The following SLC7A7 variants were observed in gnomAD, a reference collection of about 807,000 sequenced individuals.
SLC7A7 encodes the protein Y+L amino acid transporter 1.
In SLC7A7, 39 loss-of-function variants were observed where a neutral mutation model predicts 47.9. The ratio of observed to expected loss-of-function variants is 0.81; its 90% confidence interval spans 0.63 to 1.06. The LOEUF is 1.06. Ranked by LOEUF, SLC7A7 falls within the 50% of genes least tolerant of loss-of-function variation. The pLI is 0.00. For synonymous variants in SLC7A7, 234 were observed against 242.8 expected (o/e 0.96, Z 0.34); for missense variants, 588 against 632.0 (o/e 0.93, Z 0.75).
chr14:22,813,178 A>T lies in SLC7A7; in HGVS notation c.221T>A (p.Val74Asp). 1.2e-6 allele frequency: 2 copies of T among 1,614,196 alleles called. No homozygotes were observed. The highest frequency in any genetic ancestry group is 8.5e-7 in the Non-Finnish European group (1 of 1,180,024). Residue 74 changes from valine (V) to aspartate (D), a missense_variant, in exon 2 of 10, where the codon GTC (valine) becomes GAC (aspartate). By Grantham distance (152) the Val-to-Asp change is radical. Coordinates refer to ENST00000674313, the MANE Select transcript of SLC7A7 (RefSeq NM_003982.4). ...GAAGAGGCCCCCGACAGCCCAGATG[A>T]CCAGAGAGAGACCAAAGGAGGCACT... ...IYSASFGLSLVIWAVGGLFSV... is the reference protein window; with the variant it reads ...IYSASFGLSLDIWAVGGLFSV...
intron 2 of SLC7A7, among the ~76,000 whole-genome samples, chr14:22,782,989 A>G (rs2038747504): frequency 6.6e-6 from 1 of 150,432 alleles, no homozygotes; most frequent in Non-Finnish European, 1.5e-5. Context: ...CCTGGAGTGC[A>G]GTGGTGCGAT....
chr14:22,786,958 T>C (rs1227175569), intron 2 of SLC7A7, among the ~76,000 whole-genome samples: 2 of 152,066 alleles, frequency 1.3e-5, no homozygotes, highest in East Asian at 1.9e-4. Flanking sequence ...AGTGATTTTT[T>C]CCCCCCAGAT....
In SLC7A7 at chr14:22,794,789, T is replaced by A. The variant is rs537046690; in HGVS notation, c.500-14738A>T. On this transcript the variant is annotated intron_variant, in intron 2 of 9. Transcript: ENST00000674313. The stretch of plus-strand genomic sequence containing the variant: ...AGCATCACTTGACGAGCTTTAACAG[T>A]CCAGTGCTCAGGCCCCACCCAGACC... Among the ~76,000 whole-genome samples, 7 of 152,178 alleles carry A rather than the reference T, an allele frequency of 4.6e-5. No individual in the cohort carries two copies. The South Asian group carries it at 6.2e-4, about 14-fold the overall frequency.
At chr14:22,814,171 C>G (rs928540518) in intron 1 of SLC7A7, among the ~76,000 whole-genome samples, 3 of 151,912 alleles carry the variant, frequency 2.0e-5, no homozygotes, top group Admixed American at 6.6e-5. Context: ...TTGCTGCCCA[C>G]CCGACTCACC....
rs777555880 is a variant in SLC7A7, at chr14:22,776,232, T to C, written c.857A>G (p.Asp286Gly). The C allele has an allele frequency of 1.1e-5, 18 of 1,614,104 alleles. No homozygotes were observed. The highest frequency in any genetic ancestry group is 1.4e-5 in the Non-Finnish European group (17 of 1,180,050). The change falls in exon 5 of 10, where the codon GAC becomes GGC. Residue 286 changes from aspartate to glycine, a missense_variant. Coordinates refer to ENST00000674313, the MANE Select transcript of SLC7A7 (RefSeq NM_003982.4). ...LTNVAYYTVL[D>G]MRDILASDAV... ...ATCACTGGCCAAGATGTCTCTCATG[T>C]CTAGCACAGTATAATAGGCCACATT...
chr14:22,779,735 C>G (rs551112862), intron 3 of SLC7A7, among the ~76,000 whole-genome samples, 191 bp downstream of exon 3: 1 of 151,886 alleles, frequency 6.6e-6, no homozygotes, highest in East Asian at 1.9e-4. Flanking sequence ...ATTACAAGCA[C>G]GAGCCACTGC....
intron 2 of SLC7A7, 127 bp downstream of exon 2, chr14:22,812,773 C>CTATATATATATATACATATATA (rs2039332098): frequency 2.3e-6 from 1 of 433,776 alleles, no homozygotes; most frequent in Non-Finnish European, 3.5e-6. Context: ...CATACTTTAA[C>CTATATATATATATACATATATA]TATATATATA....
At chr14:22,773,775 T>C in intron 9 of SLC7A7, 59 bp from the exon 10 acceptor site, 1 of 1,554,708 alleles carries the variant, frequency 6.4e-7, no homozygotes, top group Non-Finnish European at 8.9e-7. Flanking sequence ...AGTTCAAGTG[T>C]CACTGAATGG....
chr14:22,777,311 G>A (rs1272515703), intron 4 of SLC7A7, among the ~76,000 whole-genome samples: 1 of 152,082 alleles, frequency 6.6e-6, no homozygotes, highest in Non-Finnish European at 1.5e-5. Flanking sequence ...TTGCCTCAAG[G>A]TTGAGAAATA....
intron 2 of SLC7A7, among the ~76,000 whole-genome samples, chr14:22,810,621 G>T (rs1329847866): frequency 6.6e-6 from 1 of 152,104 alleles, no homozygotes; most frequent in Non-Finnish European, 1.5e-5. Context: ...AATTAGTTTT[G>T]CCAGTAAGCA....
At position 22,813,026 on chromosome 14, in the gene SLC7A7, G is replaced by A. The variant is rs1327579387; in HGVS notation, c.373C>T (p.Leu125Phe). 1 of 1,613,998 alleles carries A rather than the reference G, an allele frequency of 6.2e-7. No individual in the cohort carries two copies. The highest frequency in any genetic ancestry group is 1.3e-5 in the African/African-American group (1 of 74,888). The change falls in exon 2 of 10, where the codon CTC (leucine) becomes TTC (phenylalanine). Residue 125 changes from leucine (L) to phenylalanine (F), a missense_variant. Coordinates refer to ENST00000674313, the MANE Select transcript of SLC7A7 (RefSeq NM_003982.4). ...LAFIRLWTSL[L>F]IIEPTSQAII... ...GCCTGGCTGGTGGGCTCAATGATGA[G>A]CAGGGAGGTCCAGAGTCTGATGAAA...
In SLC7A7 at chr14:22,776,227, T is replaced by C. The variant is rs143240690; in HGVS notation, c.862A>G (p.Arg288Gly). ...ACAGCATCACTGGCCAAGATGTCTC[T>C]CATGTCTAGCACAGTATAATAGGCC... ...NVAYYTVLDM[R>G]DILASDAVAV... Residue 288 changes from arginine to glycine, a missense_variant, in exon 5 of 10, where the codon AGA becomes GGA. Arg to Gly is a moderately radical substitution (Grantham distance 125). Coordinates refer to ENST00000674313, the MANE Select transcript of SLC7A7 (RefSeq NM_003982.4). 2 of 1,614,066 alleles carry C rather than the reference T, an allele frequency of 1.2e-6. No individual in the cohort carries two copies. The highest frequency in any genetic ancestry group is 2.7e-5 in the African/African-American group (2 of 74,926).
At chr14:22,782,939 A>AT (rs34783556) in intron 2 of SLC7A7, among the ~76,000 whole-genome samples, 35,570 of 143,190 alleles carry the variant, frequency 0.25, 4,263 homozygotes, top group South Asian at 0.37. Context: ...ATTTGTTTTA[A>AT]TTTTTTTTTT....
intron 4 of SLC7A7, 77 bp from the exon 5 acceptor site, chr14:22,776,395 C>G (rs2038608295): frequency 6.3e-7 from 1 of 1,578,714 alleles, no homozygotes; most frequent in East Asian, 2.2e-5. Context: ...TAGACTCTCC[C>G]TGCCACACCG....
At chr14:22,817,211 T>A, upstream of SLC7A7, 1 of 209,630 alleles carries the variant, frequency 4.8e-6, no homozygotes, top group Non-Finnish European at 1.0e-5. Flanking sequence ...TGGCACGATC[T>A]TGACTCACTG....
chr14:22,779,953 C>T lies in SLC7A7; in HGVS notation c.598G>A (p.Val200Ile), dbSNP rs1464272683. ...TGGCCAAGTCTAACAATGCCTGCAACGATGACCGCGATCAGTGCCAATACT... is the reference window on the plus strand; with the variant it reads ...TGGCCAAGTCTAACAATGCCTGCAATGATGACCGCGATCAGTGCCAATACT... Reference protein sequence around the residue: ...AKVLALIAVIVAGIVRLGQGA... With the variant: ...AKVLALIAVIIAGIVRLGQGA... Residue 200 changes from valine to isoleucine, a missense_variant, in exon 3 of 10, where the codon GTT (valine) becomes ATT (isoleucine). Physicochemically the swap from Val to Ile is conservative, Grantham distance 29. Coordinates refer to ENST00000674313, the MANE Select transcript of SLC7A7 (RefSeq NM_003982.4). The T allele has an allele frequency of 9.9e-6, 16 of 1,614,004 alleles. No homozygotes were observed. The East Asian group carries it at 2.2e-4, about 22-fold the overall frequency.
chr14:22,785,263 G>T (rs1281662101), intron 2 of SLC7A7, among the ~76,000 whole-genome samples: 1 of 152,138 alleles, frequency 6.6e-6, no homozygotes, highest in Non-Finnish European at 1.5e-5. Context: ...GGGTGACACA[G>T]TGAGACTCCA....
chr14:22,806,185 C>CTTTT (rs1285111671), intron 2 of SLC7A7, among the ~76,000 whole-genome samples: 4 of 119,908 alleles, frequency 3.3e-5, no homozygotes, highest in African/African-American at 9.7e-5. Flanking sequence ...ACACATCAAT[C>CTTTT]TCTTTTTTTT....
chr14:22,794,624 G>A (rs866674628), intron 2 of SLC7A7, among the ~76,000 whole-genome samples: 3 of 152,110 alleles, frequency 2.0e-5, no homozygotes, highest in South Asian at 2.1e-4. Flanking sequence ...AGACAGTTTC[G>A]CAGGCTAATC....
Sources: allele counts gnomAD v4.1 joint callset (sites outside exome capture counted in the v4.1 genomes callset), GRCh38; gene constraint gnomAD v4.1.1; transcripts MANE v1.5; gene names NCBI Gene and HGNC (gene_info 2026-07-23, HGNC 2026-07-21).